Variants in GPR39 observed in about 807,000 individuals in gnomAD.
GPR39 encodes the protein zinc sensing receptor.
GPR39 carries 23 observed loss-of-function variants against 18.4 expected under a neutral mutation model. The observed-to-expected ratio is 1.25, with a 90% CI of 0.90 to 1.77. GPR39 has a LOEUF of 1.77. Ranked by LOEUF, GPR39 falls within the 40% of genes most tolerant of loss-of-function variation. The pLI, the probability that GPR39 is intolerant of heterozygous loss-of-function variation, is 0.00. For synonymous variants in GPR39, 280 were observed against 257.9 expected (o/e 1.09, Z -0.82); for missense variants, 647 against 602.4 (o/e 1.07, Z -0.78).
chr2:132,639,788 C>A (rs1681826378), intron 1 of GPR39, among the ~76,000 whole-genome samples: 2 of 152,100 alleles, frequency 1.3e-5, no homozygotes, highest in Admixed American at 1.3e-4. Flanking sequence ...AATGCCTGTT[C>A]TTGGAGGACC....
Position 132,493,201 on chromosome 2 carries a change from A to ATG in GPR39, c.856+75304_856+75305insGT, listed in dbSNP as rs1367468077. ...TATACACCATATATATACACCATAT[A>ATG]TACACCATATATGTACACCATATAT... On this transcript the variant is annotated intron_variant, in intron 1 of 1. Transcript: ENST00000329321. 4.7e-3 allele frequency among the ~76,000 whole-genome samples: 663 copies of ATG among 141,784 alleles called. 3 individuals carry two copies. Among genetic ancestry groups the ATG allele is most frequent in the African/African-American group, 0.016 (576 of 36,672 alleles). 93.0% of individuals were successfully genotyped at this position (141,784 alleles called of 152,430 possible). A position where few individuals can be genotyped will look rare whatever the true frequency, so the allele number is the denominator to read the frequency against.
chr2:132,535,751 T>C (rs113280596), intron 1 of GPR39, among the ~76,000 whole-genome samples: 8,007 of 147,682 alleles, frequency 0.054, 354 homozygotes, highest in African/African-American at 0.11. Flanking sequence ...GAACTTGTTA[T>C]TGGTCTATTC....
rs75780081 is a variant in GPR39 at position 132,545,186 on chromosome 2, G to T, written c.857-99915G>T. On this transcript the variant is annotated intron_variant, in intron 1 of 1. Transcript: ENST00000329321. ...CACTATCACCCTCCTCTGTGCCATG[G>T]CAGGGCCTGGTCTCCAGGAGTGATA... Among the ~76,000 whole-genome samples, 661 of 152,310 alleles carry T rather than the reference G, an allele frequency of 4.3e-3. 29 individuals carry two copies. In the East Asian group the frequency reaches 0.1, roughly 23 times the overall value.
At chr2:132,467,930 A>G (rs1680961076) in intron 1 of GPR39, among the ~76,000 whole-genome samples, 1 of 152,194 alleles carries the variant, frequency 6.6e-6, no homozygotes, top group Non-Finnish European at 1.5e-5. Context: ...TCATGTACCC[A>G]GTAGCCCTGA....
chr2:132,521,681 G>A (rs1014208733), intron 1 of GPR39, among the ~76,000 whole-genome samples: 29 of 126,542 alleles, frequency 2.3e-4, no homozygotes, highest in Admixed American at 7.1e-4. Context: ...CTCCATCTCC[G>A]GGATCTTGTT....
intron 1 of GPR39, among the ~76,000 whole-genome samples, chr2:132,436,216 G>A (rs918537920): frequency 4.6e-5 from 7 of 152,196 alleles, no homozygotes; most frequent in Admixed American, 4.6e-4. Flanking sequence ...AAATTACCAC[G>A]TTGATGCCTT....
intron 1 of GPR39, among the ~76,000 whole-genome samples, chr2:132,636,305 C>T (rs1232800435): frequency 6.6e-6 from 1 of 152,186 alleles, no homozygotes; most frequent in African/African-American, 2.4e-5. Context: ...GCTGGGCCTC[C>T]CCAGGTTGGG....
intron 1 of GPR39, among the ~76,000 whole-genome samples, chr2:132,582,016 T>C (rs1680631853): frequency 6.6e-6 from 1 of 152,210 alleles, no homozygotes; most frequent in African/African-American, 2.4e-5. Flanking sequence ...TGATTGGCAG[T>C]CCCAGCTGCT....
chr2:132,623,426 G>A (rs370644775), intron 1 of GPR39, among the ~76,000 whole-genome samples: 40 of 152,336 alleles, frequency 2.6e-4, no homozygotes, highest in African/African-American at 9.4e-4. Context: ...GTAAAGAAGA[G>A]TAAGAAAAGA....
At chr2:132,513,980 G>C (rs1043106941) in intron 1 of GPR39, among the ~76,000 whole-genome samples, 2 of 152,208 alleles carry the variant, frequency 1.3e-5, no homozygotes, top group Non-Finnish European at 2.9e-5. Context: ...GCTGGTTTGA[G>C]TAGCTTCTTT....
chr2:132,629,865 T>G (rs748499332), intron 1 of GPR39, among the ~76,000 whole-genome samples: 1 of 152,172 alleles, frequency 6.6e-6, no homozygotes. Flanking sequence ...CTGGGGGTGA[T>G]GCACTTGAAC....
intron 1 of GPR39, among the ~76,000 whole-genome samples, chr2:132,618,717 T>C (rs1573701379): frequency 6.6e-6 from 1 of 151,890 alleles, no homozygotes; most frequent in Admixed American, 6.6e-5. Context: ...GCTGCCTGGG[T>C]TTTCTTATCT....
At chr2:132,527,500 T>G (rs997429738) in intron 1 of GPR39, among the ~76,000 whole-genome samples, 1 of 152,204 alleles carries the variant, frequency 6.6e-6, no homozygotes, top group Admixed American at 6.5e-5. Context: ...GTTCTAGATC[T>G]TTGAAGAATT....
At chr2:132,534,472 A>T (rs1010117787) in intron 1 of GPR39, among the ~76,000 whole-genome samples, 18 of 148,374 alleles carry the variant, frequency 1.2e-4, no homozygotes, top group Non-Finnish European at 2.7e-4. Flanking sequence ...CATTTGACCC[A>T]GCCATCCCAT....
chr2:132,461,280 ACT>A (rs1558805228), intron 1 of GPR39, among the ~76,000 whole-genome samples: 1 of 151,724 alleles, frequency 6.6e-6, no homozygotes, highest in African/African-American at 2.4e-5. Context: ...AACTCTCTCT[ACT>A]CTATCACAGA....
chr2:132,529,639 C>A (rs1378944403), intron 1 of GPR39, among the ~76,000 whole-genome samples: 4 of 152,192 alleles, frequency 2.6e-5, no homozygotes, highest in Non-Finnish European at 5.9e-5. Context: ...CGGCCGGGTA[C>A]TCCTCTGAGA....
intron 1 of GPR39, among the ~76,000 whole-genome samples, chr2:132,617,500 T>C (rs1490294745): frequency 6.6e-6 from 1 of 152,210 alleles, no homozygotes; most frequent in Non-Finnish European, 1.5e-5. Flanking sequence ...TTCTTTCATA[T>C]ATTAATAACT....
At chr2:132,482,835 G>T (rs1681260448) in intron 1 of GPR39, among the ~76,000 whole-genome samples, 1 of 152,120 alleles carries the variant, frequency 6.6e-6, no homozygotes, top group South Asian at 2.1e-4. Context: ...GCTTTACCTT[G>T]TATTAATAAA....
At chr2:132,584,374 AC>A (rs1331455930) in intron 1 of GPR39, among the ~76,000 whole-genome samples, 3 of 152,146 alleles carry the variant, frequency 2.0e-5, no homozygotes, top group African/African-American at 7.2e-5. Flanking sequence ...ATGAGTGAAC[AC>A]CCATGCTTGA....
Sources: allele counts gnomAD v4.1 joint callset (sites outside exome capture counted in the v4.1 genomes callset), GRCh38; gene constraint gnomAD v4.1.1; transcripts MANE v1.5; gene names NCBI Gene and HGNC (gene_info 2026-07-23, HGNC 2026-07-21).